Variants in MTDH observed in about 807,000 individuals in gnomAD.
MTDH encodes protein LYRIC.
MTDH carries 34 observed loss-of-function variants against 72.7 expected under a neutral mutation model. That is an observed-to-expected ratio of 0.47 (90% CI 0.36 to 0.62). The LOEUF (loss-of-function observed/expected upper bound fraction) is 0.62, where lower values mean the gene tolerates loss of function less well. MTDH is among the 20% of genes least tolerant of loss of function. The pLI is 0.00. For synonymous variants in MTDH, 266 were observed against 268.9 expected, an observed-to-expected ratio of 0.99 and a Z score of 0.10; for missense variants, 677 against 699.4, an observed-to-expected ratio of 0.97 and a Z score of 0.36.
At chr8:97,685,360 A>G (rs1813317771) in intron 2 of MTDH, among the ~76,000 whole-genome samples, 1 of 152,214 alleles carries the variant, frequency 6.6e-6, no homozygotes, top group Admixed American at 6.5e-5. Flanking sequence ...TATTTTTTTA[A>G]TGTAATCTCT....
chr8:97,654,414 A>T (rs1372599966), intron 1 of MTDH, among the ~76,000 whole-genome samples: 1 of 152,208 alleles, frequency 6.6e-6, no homozygotes, highest in Non-Finnish European at 1.5e-5. Flanking sequence ...TACCAAAACT[A>T]GGTCTTGTCC....
At chr8:97,645,568 G>A (rs1467038569) in intron 1 of MTDH, among the ~76,000 whole-genome samples, 2 of 152,162 alleles carry the variant, frequency 1.3e-5, no homozygotes, top group African/African-American at 4.8e-5. Context: ...TTCAACGAAC[G>A]AGTCTGTTGC....
At chr8:97,716,791 A>G (rs535160463) in intron 9 of MTDH, among the ~76,000 whole-genome samples, 1 of 152,204 alleles carries the variant, frequency 6.6e-6, no homozygotes, top group African/African-American at 2.4e-5. Context: ...TGCAGCCTCA[A>G]CCTCCTGGGC....
At chr8:97,690,624 C>T (rs1455691758) in intron 5 of MTDH, among the ~76,000 whole-genome samples, 1 of 138,810 alleles carries the variant, frequency 7.2e-6, no homozygotes, top group South Asian at 2.4e-4. Flanking sequence ...TTGCTTGATA[C>T]ATAATGTAAT....
rs773280425 is a variant in MTDH, at chr8:97,687,604, A to G, written c.744A>G (p.Lys248=). ...TTCCTGTTGGTTCCAAGAAGAATAA[A>G]GGTATATTAGTGGAACATAAGACAG... ...ASFPVGSKKN[K]GDSHLNVQVS... is the part of the protein sequence containing the mutation. Residue 248 remains lysine, a splice_region_variant and synonymous_variant, in exon 4 of 12, where the codon AAA becomes AAG. Transcript: ENST00000336273. 1 of 1,597,844 alleles carries G rather than the reference A, an allele frequency of 6.3e-7. No individual in the cohort carries two copies.
rs878967239 is a variant in MTDH, at chr8:97,690,864, TAA to T, written c.812-87_812-86del. The T allele has an allele frequency of 8.7e-6, 8 of 922,142 alleles. No individual in the cohort carries two copies. In the South Asian group the frequency reaches 1.4e-4, roughly 16 times the overall value. 57.1% of individuals were successfully genotyped at this position (922,142 alleles called of 1,614,324 possible). A position where few individuals can be genotyped will look rare whatever the true frequency, so the allele number is the denominator to read the frequency against. ...TAGTAGGGGAAGTGAGTAATAAATA[TAA>T]GTCAAGCAATCATAGAAATGTGAAA... On this transcript the variant is annotated intron_variant, in intron 5 of 11. Transcript: ENST00000336273.
rs149869061 is a variant in MTDH at position 97,691,267 on chromosome 8, AAAAC to A, written c.1048+80_1048+83del. ...TTTTAATTTTTCAGAAATAGAAAAA[AAAAC>A]TATGAATAGAAAAATAAGTACTGCT... On this transcript the variant is annotated intron_variant, in intron 6 of 11. Transcript: ENST00000336273. 8,293 of 1,027,608 alleles carry A rather than the reference AAAAC, an allele frequency of 8.1e-3. 430 individuals are homozygous for A. The African/African-American group carries it at 0.12, about 15-fold the overall frequency. The allele number at this position is 1,027,608 out of a possible 1,614,324, so 63.7% of individuals were successfully genotyped here.
intron 2 of MTDH, among the ~76,000 whole-genome samples, chr8:97,676,057 A>G (rs1812833680): frequency 6.6e-6 from 1 of 150,968 alleles, no homozygotes; most frequent in Admixed American, 6.6e-5. Context: ...CTCCCATCTC[A>G]GCCACCCAAG....
chr8:97,687,658 C>G (rs1387062538), intron 4 of MTDH, 53 bp downstream of exon 4: 2 of 1,398,524 alleles, frequency 1.4e-6, no homozygotes, highest in Admixed American at 2.4e-5. Flanking sequence ...TCCTTTTATT[C>G]GGATGTACAA....
In MTDH at chr8:97,730,240, T is replaced by G. The variant is rs1353807396; in HGVS notation, c.*5570T>G. Among the ~76,000 whole-genome samples, 2 of 152,312 alleles carry G rather than the reference T, an allele frequency of 1.3e-5. No individual in the cohort carries two copies. The highest frequency in any genetic ancestry group is 3.9e-4 in the East Asian group (2 of 5,184). On this transcript the variant is annotated 3_prime_UTR_variant, in exon 12 of 12. Coordinates refer to ENST00000336273, the MANE Select transcript of MTDH (RefSeq NM_178812.4). ...CCTAAGTTTTAAAAGCATAATAAAA[T>G]GAACACATCTGAAACCACCATTCTG... is the stretch of plus-strand genomic sequence containing the variant.
chr8:97,685,339 TA>T (rs1046101692), intron 2 of MTDH, among the ~76,000 whole-genome samples: 24 of 152,208 alleles, frequency 1.6e-4, no homozygotes, highest in African/African-American at 4.1e-4. Context: ...ATGAGGTCAG[TA>T]AAAAAAATTT....
chr8:97,674,231 G>A lies in MTDH; in HGVS notation c.484-12437G>A, dbSNP rs151183576. 8.8e-3 allele frequency among the ~76,000 whole-genome samples: 1,337 copies of A among 152,314 alleles called. 9 individuals carry two copies. The highest frequency in any genetic ancestry group is 0.014 in the Middle Eastern group (4 of 294). On this transcript the variant is annotated intron_variant, in intron 2 of 11. Coordinates refer to ENST00000336273, the MANE Select transcript of MTDH (RefSeq NM_178812.4). Reference sequence around the variant, plus strand: ...AAGTGCAGGTTGTGGGCACTTCCCTGCACCTGCAATTCTCCTACTTCTTCC... The same window carrying A: ...AAGTGCAGGTTGTGGGCACTTCCCTACACCTGCAATTCTCCTACTTCTTCC...
chr8:97,688,078 A>G (rs1205762074), intron 4 of MTDH, among the ~76,000 whole-genome samples: 1 of 152,166 alleles, frequency 6.6e-6, no homozygotes, highest in Non-Finnish European at 1.5e-5. Context: ...TGTTTGATAG[A>G]GCTAGACCAG....
chr8:97,704,435 C>A lies in MTDH; in HGVS notation c.1148-2191C>A, dbSNP rs188760566. 9.9e-5 allele frequency among the ~76,000 whole-genome samples: 15 copies of A among 152,164 alleles called. 1 individual carries two copies. Among genetic ancestry groups the A allele is most frequent in the Admixed American group, 8.5e-4 (13 of 15,280 alleles). On this transcript the variant is annotated intron_variant, in intron 7 of 11. Coordinates refer to ENST00000336273, the MANE Select transcript of MTDH (RefSeq NM_178812.4). ...CCAACCTGGGCAATATAGTGAATCCCCTTCTCTACAAAAAGTTTAAAAATT... is the reference window on the plus strand; with the variant it reads ...CCAACCTGGGCAATATAGTGAATCCACTTCTCTACAAAAAGTTTAAAAATT...
chr8:97,681,674 A>G (rs1813081423), intron 2 of MTDH, among the ~76,000 whole-genome samples: 1 of 151,672 alleles, frequency 6.6e-6, no homozygotes. Context: ...TTGTATTTTT[A>G]GTAGAGATAG....
intron 2 of MTDH, among the ~76,000 whole-genome samples, chr8:97,664,304 T>C: frequency 6.6e-6 from 1 of 151,210 alleles, no homozygotes; most frequent in African/African-American, 2.4e-5. Context: ...TGTAGGGAGC[T>C]GAGATCGTAC....
chr8:97,706,815 C>G (rs1814374261), intron 8 of MTDH, 65 bp downstream of exon 8: 17 of 1,525,286 alleles, frequency 1.1e-5, no homozygotes, highest in Non-Finnish European at 1.3e-5. Flanking sequence ...CACAGTGGCT[C>G]ACGCCTATGA....
chr8:97,722,987 G>A lies in MTDH; in HGVS notation c.1630G>A (p.Asp544Asn), dbSNP rs1339266369. 1 of 1,613,964 alleles carries A rather than the reference G, an allele frequency of 6.2e-7. No individual in the cohort carries two copies. Among genetic ancestry groups the A allele is most frequent in the African/African-American group, 1.3e-5 (1 of 74,942 alleles). Residue 544 changes from aspartate to asparagine, a missense_variant, in exon 11 of 12, where the codon GAT becomes AAT. By Grantham distance (23) the Asp-to-Asn change is conservative (BLOSUM62 1). Around this residue, in one of 3 missense-constraint regions of MTDH, gnomAD observed 201 missense variants for 204.5 expected, o/e 0.98. Transcript: ENST00000336273. ...AGTGCCGCCAATACTACAAGAGACAGATAAATCCAAGTCAAATACCAAGCA... is the reference window on the plus strand; with the variant it reads ...AGTGCCGCCAATACTACAAGAGACAAATAAATCCAAGTCAAATACCAAGCA... Reference protein sequence around the residue: ...SQVPPILQETDKSKSNTKQNS... With the variant: ...SQVPPILQETNKSKSNTKQNS...
rs1244614419 is a variant in MTDH, at chr8:97,660,026, G to A, written c.382-1046G>A. Among the ~76,000 whole-genome samples the A allele has an allele frequency of 1.1e-4, 17 of 152,296 alleles. No individual in the cohort carries two copies. In the East Asian group the frequency reaches 3.3e-3, roughly 29 times the overall value. On this transcript the variant is annotated intron_variant, in intron 1 of 11. Coordinates refer to ENST00000336273, the MANE Select transcript of MTDH (RefSeq NM_178812.4). Reference sequence around the variant, plus strand: ...ATACAAAAATTAGCCGGGCGTGGTGGCATGCACCTGTAATCTCAGCTACTC... The same window carrying A: ...ATACAAAAATTAGCCGGGCGTGGTGACATGCACCTGTAATCTCAGCTACTC...
Sources: allele counts gnomAD v4.1 joint callset (sites outside exome capture counted in the v4.1 genomes callset), GRCh38; gene constraint gnomAD v4.1.1; regional missense constraint gnomAD v4.1.1; transcripts MANE v1.5; gene names NCBI Gene and HGNC (gene_info 2026-07-23, HGNC 2026-07-21).